EPM2A: variants seen among roughly 807,000 people sequenced by gnomAD.
The protein encoded by EPM2A is laforin.
A neutral mutation model predicts 26.5 loss-of-function variants in EPM2A; 21 were observed. That is an observed-to-expected ratio of 0.79 (90% confidence interval 0.56 to 1.14). The LOEUF is 1.14. EPM2A is among the 50% of genes most tolerant of loss of function. The pLI, the probability that EPM2A is intolerant of heterozygous loss-of-function variation, is 0.00. For synonymous variants in EPM2A, 217 were observed against 177.6 expected, an observed-to-expected ratio of 1.22 and a Z score of -1.76; for missense variants, 458 against 440.8, an observed-to-expected ratio of 1.04 and a Z score of -0.35.
At chr6:145,660,671 G>A (rs931133791) in intron 2 of EPM2A, among the ~76,000 whole-genome samples, 1 of 152,028 alleles carries the variant, frequency 6.6e-6, no homozygotes, top group African/African-American at 2.4e-5. Context: ...GCATGGTGGC[G>A]CATGCCTGTA....
At chr6:145,643,393 T>C (rs1021299422) in intron 2 of EPM2A, among the ~76,000 whole-genome samples, 2 of 152,200 alleles carry the variant, frequency 1.3e-5, no homozygotes, top group Non-Finnish European at 2.9e-5. Context: ...TCTTTATTTT[T>C]ATTATGGAAA....
intron 2 of EPM2A, among the ~76,000 whole-genome samples, chr6:145,508,049 C>T (rs140013188): frequency 2.6e-5 from 4 of 152,296 alleles, no homozygotes; most frequent in African/African-American, 7.2e-5. Flanking sequence ...CCTGCCAAAG[C>T]CCCCTTGAGT....
At chr6:145,557,716 T>G (rs1280916376) in intron 2 of EPM2A, among the ~76,000 whole-genome samples, 1 of 152,140 alleles carries the variant, frequency 6.6e-6, no homozygotes, top group African/African-American at 2.4e-5. Context: ...ATGTATAACC[T>G]CATATACTTA....
rs2235482 is a variant in EPM2A, at chr6:145,735,340, G to C, written c.159C>G (p.Ala53=). The part of the protein sequence containing the change: ...AGTAAGDGAL[A]LQEPGLWLGE... ...CGAGCCACAGGCCCGGCTCCTGCAG[G>C]GCCAGGGCCCCGTCGCCCGCCGCGG... The change falls in exon 1 of 4, where the codon GCC becomes GCG. Residue 53 remains alanine (A), a synonymous_variant. Transcript: ENST00000367519. 0.59 allele frequency: 822,968 copies of C among 1,386,774 alleles called. 246,746 individuals carry two copies. The highest frequency in any genetic ancestry group is 0.75 in the Admixed American group (29,328 of 38,954). 85.9% of individuals were successfully genotyped at this position (1,386,774 alleles called of 1,614,324 possible).
chr6:145,689,539 T>C (rs1781141674), intron 1 of EPM2A, among the ~76,000 whole-genome samples: 1 of 152,092 alleles, frequency 6.6e-6, no homozygotes, highest in South Asian at 2.1e-4. Flanking sequence ...ATCCCAGACT[T>C]AGATCTGAAG....
At chr6:145,455,007 G>A (rs1277974716) in intron 4 of EPM2A, among the ~76,000 whole-genome samples, 1 of 151,998 alleles carries the variant, frequency 6.6e-6, no homozygotes. Context: ...ATATATGTGT[G>A]TGTACACATA....
chr6:145,530,109 C>T (rs1428582160), intron 2 of EPM2A, among the ~76,000 whole-genome samples: 1 of 152,204 alleles, frequency 6.6e-6, no homozygotes, highest in Admixed American at 6.5e-5. Flanking sequence ...GCTCCTTCCT[C>T]TGCCCAGTCA....
chr6:145,393,902 C>A (rs1778370800), intron 4 of EPM2A, among the ~76,000 whole-genome samples: 1 of 151,814 alleles, frequency 6.6e-6, no homozygotes, highest in East Asian at 1.9e-4. Flanking sequence ...TGGCTCACTG[C>A]AACCTCTGCC....
intron 4 of EPM2A, among the ~76,000 whole-genome samples, chr6:145,431,063 T>C (rs1778915908): frequency 6.6e-6 from 1 of 151,842 alleles, no homozygotes; most frequent in African/African-American, 2.4e-5. Flanking sequence ...TTTCAAATAC[T>C]CCCCCAGAAA....
chr6:145,666,042 A>T (rs1395172311), intron 2 of EPM2A, among the ~76,000 whole-genome samples: 4 of 146,684 alleles, frequency 2.7e-5, no homozygotes, highest in Non-Finnish European at 6.0e-5. Context: ...GCTATGACAA[A>T]CCCACAGCCA....
intron 4 of EPM2A, among the ~76,000 whole-genome samples, chr6:145,432,021 T>G (rs754103102): frequency 7.2e-5 from 11 of 152,224 alleles, no homozygotes; most frequent in Non-Finnish European, 1.5e-4. Context: ...AAGCAATCCC[T>G]TTTCTATTCA....
chr6:145,724,056 G>C (rs749225143), intron 1 of EPM2A, among the ~76,000 whole-genome samples: 1 of 152,072 alleles, frequency 6.6e-6, no homozygotes, highest in Admixed American at 6.6e-5. Context: ...CTGAATACAT[G>C]AGGCATTCAG....
intron 2 of EPM2A, chr6:145,637,192 A>T (rs866404640): frequency 6.6e-6 from 1 of 152,202 alleles, no homozygotes; most frequent in Non-Finnish European, 1.5e-5. Context: ...TTTGCATTGC[A>T]TTGTAAAGAT....
In EPM2A at chr6:145,501,864, A is replaced by T. The variant is rs376782162; in HGVS notation, c.395-17T>A. Reference sequence around the variant, plus strand: ...GGCCAAAATCTAAAAGAAGACAGGGATAGATACAGGTAGAGGTGACAATTG... The same window carrying T: ...GGCCAAAATCTAAAAGAAGACAGGGTTAGATACAGGTAGAGGTGACAATTG... On this transcript the variant is annotated splice_polypyrimidine_tract_variant and intron_variant, in intron 3 of 3. Coordinates refer to the EPM2A transcript ENST00000450221. The T allele has an allele frequency of 5.9e-5, 28 of 471,156 alleles. No homozygotes were observed. The East Asian group carries it at 1.7e-3, about 29-fold the overall frequency. The allele number at this position is 471,156 out of a possible 1,614,324, so 29.2% of individuals were successfully genotyped here.
At chr6:145,700,809 T>G (rs1357237579) in intron 1 of EPM2A, among the ~76,000 whole-genome samples, 1 of 152,208 alleles carries the variant, frequency 6.6e-6, no homozygotes, top group Non-Finnish European at 1.5e-5. Flanking sequence ...AAATATGTCT[T>G]CAATTAAGAT....
intron 1 of EPM2A, among the ~76,000 whole-genome samples, chr6:145,692,865 T>C (rs1260852765): frequency 6.6e-6 from 1 of 152,118 alleles, no homozygotes; most frequent in Non-Finnish European, 1.5e-5. Context: ...TCCAGCTTTG[T>C]TCTTTTTGCT....
chr6:145,720,336 T>C (rs1021843521), intron 1 of EPM2A, among the ~76,000 whole-genome samples: 2 of 152,224 alleles, frequency 1.3e-5, no homozygotes, highest in South Asian at 2.1e-4. Flanking sequence ...ATATTGTCAA[T>C]ATTTTTACAT....
intron 4 of EPM2A, among the ~76,000 whole-genome samples, chr6:145,442,462 A>C (rs1779076940): frequency 6.6e-6 from 1 of 152,188 alleles, no homozygotes; most frequent in South Asian, 2.1e-4. Context: ...GGTGCCAGAC[A>C]AGACAAGAGA....
In EPM2A at chr6:145,655,390, T is replaced by C. The variant is rs181131644; in HGVS notation, c.477-19904A>G. Among the ~76,000 whole-genome samples, 96 of 152,252 alleles carry C rather than the reference T, an allele frequency of 6.3e-4. No homozygotes were observed. In the Middle Eastern group the frequency reaches 0.014, roughly 22 times the overall value. ...CAAGAAAAAAATCCAAAGAACTGTT[T>C]AGTAATTTTGGAGGATCTACTCTGT... On this transcript the variant is annotated intron_variant, in intron 2 of 3. Coordinates refer to ENST00000367519, the MANE Select transcript of EPM2A (RefSeq NM_005670.4).
Sources: allele counts gnomAD v4.1 joint callset (sites outside exome capture counted in the v4.1 genomes callset), GRCh38; gene constraint gnomAD v4.1.1; transcripts MANE v1.5; gene names NCBI Gene and HGNC (gene_info 2026-07-23, HGNC 2026-07-21).